Variants in UBL5 observed in about 807,000 individuals in gnomAD.
UBL5 encodes the protein ubiquitin-like protein 5.
In UBL5, 13 loss-of-function variants were observed where a neutral mutation model predicts 11.7. That is an observed-to-expected ratio of 1.11 (90% CI 0.73 to 1.77). UBL5 has a LOEUF of 1.77. UBL5 is among the 40% of genes most tolerant of loss of function. The pLI is 0.00. For synonymous variants in UBL5, 28 were observed against 34.7 expected, an observed-to-expected ratio of 0.81 and a Z score of 0.68; for missense variants, 58 against 92.3, an observed-to-expected ratio of 0.63 and a Z score of 1.52.
rs940528715 is a variant in UBL5 at position 9,829,641 on chromosome 19, G to A, written c.179-324G>A. 6 of 261,144 alleles carry A rather than the reference G, an allele frequency of 2.3e-5. No homozygotes were observed. The South Asian group carries it at 3.2e-4, about 14-fold the overall frequency. 16.2% of individuals were successfully genotyped at this position (261,144 alleles called of 1,614,324 possible). On this transcript the variant is annotated intron_variant, in intron 4 of 4. Transcript: ENST00000586895. ...CTTCCAAGTAGCTGGGATTACAGGT[G>A]CCCACCACCACACCCAGCTAACTTT...
chr19:9,828,802 CT>C (rs778059852), intron 3 of UBL5, 34 bp from the exon 4 acceptor site: 1 of 1,613,738 alleles, frequency 6.2e-7, no homozygotes, highest in Non-Finnish European at 8.5e-7. Context: ...GAAGAGCCTC[CT>C]TAGCCTTATC....
chr19:9,829,468 A>C (rs1188329898), intron 4 of UBL5: 1 of 159,584 alleles, frequency 6.3e-6, no homozygotes, highest in Non-Finnish European at 1.4e-5. Context: ...GCCGTGAGCC[A>C]CTGTGCCTGG....
chr19:9,828,301 T>TG, intron 1 of UBL5, 26 bp from the exon 2 acceptor site: 45 of 1,597,488 alleles, frequency 2.8e-5, no homozygotes, highest in Non-Finnish European at 3.3e-5. Flanking sequence ...CTTTGCTGCC[T>TG]CCCACCCACC....
intron 4 of UBL5, chr19:9,829,195 TA>T (rs1662778609): frequency 3.3e-6 from 1 of 303,340 alleles, no homozygotes; most frequent in East Asian, 6.4e-5. Flanking sequence ...TTTATTTATT[TA>T]TTTTTTTGAG....
chr19:9,828,309 A>AAC lies in UBL5; in HGVS notation c.-11-18_-11-17insAC. 8.2e-7 allele frequency: 1 copy of AAC among 1,219,392 alleles called. No homozygotes were observed. Among genetic ancestry groups the AAC allele is most frequent in the Non-Finnish European group, 1.2e-6 (1 of 825,754 alleles). The allele number at this position is 1,219,392 out of a possible 1,614,324, so 75.5% of individuals were successfully genotyped here. ...GCTCTGACTTTGCTGCCTCCCACCC[A>AAC]CCCCCCGCTTTGTGTAGCTCCAGCT... is the stretch of plus-strand genomic sequence containing the variant. On this transcript the variant is annotated splice_polypyrimidine_tract_variant and intron_variant, in intron 1 of 4. Transcript: ENST00000586895.
In UBL5 at chr19:9,830,093, C is replaced by A; in HGVS notation, c.*85C>A. ...ATAGATGCTTGTTTGTAAAAACTCA[C>A]CTTAATAAAGACTTAGATGTTGCTT... On this transcript the variant is annotated 3_prime_UTR_variant, in exon 5 of 5. Coordinates refer to ENST00000586895, the MANE Select transcript of UBL5 (RefSeq NM_001048241.3). 1 of 1,555,926 alleles carries A rather than the reference C, an allele frequency of 6.4e-7. No individual in the cohort carries two copies. The highest frequency in any genetic ancestry group is 8.8e-7 in the Non-Finnish European group (1 of 1,132,312).
chr19:9,828,230 C>T, intron 1 of UBL5, 97 bp from the exon 2 acceptor site: 2 of 1,183,222 alleles, frequency 1.7e-6, no homozygotes, highest in East Asian at 2.3e-5. Flanking sequence ...AATTTTAGGG[C>T]CTGGGACTGG....
chr19:9,829,118 T>G lies in UBL5; in HGVS notation c.178+244T>G, dbSNP rs990237637. 18 of 575,298 alleles carry G rather than the reference T, an allele frequency of 3.1e-5. No individual in the cohort carries two copies. The African/African-American group carries it at 3.4e-4, about 11-fold the overall frequency. 35.6% of individuals were successfully genotyped at this position (575,298 alleles called of 1,614,324 possible). ...CTCCACCTGAGTGCTGGACAGTAGG[T>G]CAGGGTGGGGTGAGACTCAGGCATA... is the stretch of plus-strand genomic sequence containing the variant. On this transcript the variant is annotated intron_variant, in intron 4 of 4. Transcript: ENST00000586895.
chr19:9,828,071 C>T (rs1278272533), intron 1 of UBL5, 87 bp downstream of exon 1: 1 of 575,580 alleles, frequency 1.7e-6, no homozygotes, highest in African/African-American at 1.9e-5. Context: ...GGAGGTGAGG[C>T]CAGGGAGTTT....
At chr19:9,828,750 G>C (rs948877417) in intron 3 of UBL5, 75 bp downstream of exon 3, 3 of 1,611,138 alleles carry the variant, frequency 1.9e-6, no homozygotes, top group Non-Finnish European at 2.5e-6. Flanking sequence ...GCTGCAGGCA[G>C]CCCTTTGCTT....
intron 2 of UBL5, 95 bp from the exon 3 acceptor site, chr19:9,828,497 G>C (rs190865199): frequency 6.9e-6 from 11 of 1,604,798 alleles, no homozygotes; most frequent in South Asian, 1.1e-5. Flanking sequence ...ACCCGGGAGA[G>C]GGGGCGGATG....
chr19:9,828,308 C>A lies in UBL5; in HGVS notation c.-11-19C>A. Reference sequence around the variant, plus strand: ...AGCTCTGACTTTGCTGCCTCCCACCCACCCCCCGCTTTGTGTAGCTCCAGC... The same window carrying A: ...AGCTCTGACTTTGCTGCCTCCCACCAACCCCCCGCTTTGTGTAGCTCCAGC... On this transcript the variant is annotated intron_variant, in intron 1 of 4. Coordinates refer to ENST00000586895, the MANE Select transcript of UBL5 (RefSeq NM_001048241.3). The A allele has an allele frequency of 2.5e-6, 4 of 1,592,604 alleles. No individual in the cohort carries two copies. The highest frequency in any genetic ancestry group is 1.1e-5 in the South Asian group (1 of 90,618).
At chr19:9,829,812 A>T (rs2046045824) in intron 4 of UBL5, 153 bp from the exon 5 acceptor site, 1 of 764,144 alleles carries the variant, frequency 1.3e-6, no homozygotes, top group African/African-American at 1.7e-5. Flanking sequence ...TTCTTTTGTA[A>T]AGTTTTGGTT....
rs1236765691 is a variant in UBL5, at chr19:9,828,778, T to A, written c.141-59T>A. ...CTTTGCTTAGGCTTGGCTACCTCAT[T>A]TGGCCTACAGACTGAAGAGCCTCCT... is the stretch of plus-strand genomic sequence containing the variant. On this transcript the variant is annotated intron_variant, in intron 3 of 4. Coordinates refer to ENST00000586895, the MANE Select transcript of UBL5 (RefSeq NM_001048241.3). The A allele has an allele frequency of 6.2e-6, 10 of 1,611,778 alleles. No homozygotes were observed. The East Asian group carries it at 2.2e-4, about 36-fold the overall frequency.
At position 9,828,405 on chromosome 19, in the gene UBL5, C is replaced by G. The variant is rs1373997734; in HGVS notation, c.56+12C>G. On this transcript the variant is annotated intron_variant, in intron 2 of 4. Transcript: ENST00000586895. Reference sequence around the variant, plus strand: ...CGCGTTAAATGCAAGTATCCACTGGCAGCCGAGAGGCAGTGGTACCCGCAG... The same window carrying G: ...CGCGTTAAATGCAAGTATCCACTGGGAGCCGAGAGGCAGTGGTACCCGCAG... 25 of 1,613,988 alleles carry G rather than the reference C, an allele frequency of 1.5e-5. No individual in the cohort carries two copies. Among genetic ancestry groups the G allele is most frequent in the Non-Finnish European group, 2.0e-5 (24 of 1,180,016 alleles).
intron 3 of UBL5, 25 bp from the exon 4 acceptor site, chr19:9,828,812 T>C: frequency 3.7e-6 from 6 of 1,613,994 alleles, no homozygotes; most frequent in Non-Finnish European, 5.1e-6. Flanking sequence ...CTTAGCCTTA[T>C]CTCTGAAATG....
Position 9,828,403 on chromosome 19 carries a change from G to C in UBL5, c.56+10G>C. ...TCCGCGTTAAATGCAAGTATCCACT[G>C]GCAGCCGAGAGGCAGTGGTACCCGC... On this transcript the variant is annotated intron_variant, in intron 2 of 4. Coordinates refer to ENST00000586895, the MANE Select transcript of UBL5 (RefSeq NM_001048241.3). The C allele has an allele frequency of 6.2e-7, 1 of 1,614,076 alleles. No homozygotes were observed. Among genetic ancestry groups the C allele is most frequent in the Non-Finnish European group, 8.5e-7 (1 of 1,179,986 alleles).
chr19:9,828,519 G>T, intron 2 of UBL5, 73 bp from the exon 3 acceptor site: 1 of 1,609,322 alleles, frequency 6.2e-7, no homozygotes, highest in Non-Finnish European at 8.5e-7. Context: ...GGTCCTGGCA[G>T]ATGGTATTCT....
intron 4 of UBL5, chr19:9,829,174 A>G (rs2046041890): frequency 2.6e-6 from 1 of 381,494 alleles, no homozygotes; most frequent in Non-Finnish European, 4.7e-6. Context: ...GAAACTTTTT[A>G]CAATTTTTAT....
Sources: allele counts gnomAD v4.1 joint callset, GRCh38; gene constraint gnomAD v4.1.1; transcripts MANE v1.5; gene names NCBI Gene and HGNC (gene_info 2026-07-23, HGNC 2026-07-21).